Variants in CD80 observed in about 807,000 individuals in gnomAD.
CD80 encodes the protein CD80 molecule.
In CD80, 13 loss-of-function variants were observed where a neutral mutation model predicts 27.1. The ratio of observed to expected loss-of-function variants is 0.48; its 90% CI spans 0.31 to 0.76. CD80 has a LOEUF of 0.76. Among genes scored for constraint, CD80 ranks in the 30% least tolerant of loss-of-function variants. The pLI is 0.04. For missense variants in CD80, 277 were observed against 347.9 expected (o/e 0.80, Z 1.62); for synonymous variants, 125 against 125.5 (o/e 1.00, Z 0.03).
At chr3:119,550,017 AC>A (rs1037064288) in intron 2 of CD80, among the ~76,000 whole-genome samples, 1 of 152,204 alleles carries the variant, frequency 6.6e-6, no homozygotes, top group African/African-American at 2.4e-5. Flanking sequence ...TATGACACCT[AC>A]CCCTTGGGAT....
At chr3:119,537,441 T>TA in intron 3 of CD80, 23 bp from the exon 4 acceptor site, 1 of 1,480,962 alleles carries the variant, frequency 6.8e-7, no homozygotes, top group Non-Finnish European at 9.4e-7. Context: ...CAAGAATATA[T>TA]AATTACGTAT....
intron 4 of CD80, among the ~76,000 whole-genome samples, chr3:119,536,262 T>C (rs1444792025): frequency 1.3e-5 from 2 of 151,996 alleles, no homozygotes; most frequent in Admixed American, 6.6e-5. Flanking sequence ...AAAAAATAAA[T>C]AAATAAATAA....
At chr3:119,558,100 C>T (rs1166250218) in intron 1 of CD80, among the ~76,000 whole-genome samples, 172 bp from the exon 2 acceptor site, 1 of 152,176 alleles carries the variant, frequency 6.6e-6, no homozygotes, top group Non-Finnish European at 1.5e-5. Context: ...GGACCAGTTC[C>T]AAGAACCAAC....
chr3:119,533,071 T>G (rs751329275), intron 4 of CD80, among the ~76,000 whole-genome samples: 1 of 152,202 alleles, frequency 6.6e-6, no homozygotes, highest in Non-Finnish European at 1.5e-5. Context: ...GTCTAGAAGT[T>G]TCACAGGCTT....
intron 2 of CD80, among the ~76,000 whole-genome samples, chr3:119,547,300 A>G (rs541305513): frequency 6.6e-6 from 1 of 152,326 alleles, no homozygotes; most frequent in East Asian, 1.9e-4. Flanking sequence ...CTGTAATTCA[A>G]TGCCTAGACC....
intron 2 of CD80, among the ~76,000 whole-genome samples, chr3:119,546,214 A>G (rs978296263): frequency 6.6e-6 from 1 of 152,158 alleles, no homozygotes; most frequent in Non-Finnish European, 1.5e-5. Context: ...ACCTAACACA[A>G]TACCACCCCC....
chr3:119,544,274 C>A, intron 3 of CD80: 1 of 441,036 alleles, frequency 2.3e-6, no homozygotes. Flanking sequence ...CAAAGATGCC[C>A]CTTGGTGATT....
At chr3:119,547,981 T>A (rs914987768) in intron 2 of CD80, among the ~76,000 whole-genome samples, 1 of 132,826 alleles carries the variant, frequency 7.5e-6, no homozygotes, top group East Asian at 2.4e-4. Context: ...CTTTCTTTTT[T>A]CTTTTTCTTT....
rs2082055592 is a variant in CD80, at chr3:119,524,850, C to T, written c.*938G>A. On this transcript the variant is annotated 3_prime_UTR_variant, in exon 7 of 7. Coordinates refer to ENST00000264246, the MANE Select transcript of CD80 (RefSeq NM_005191.4). ...AAGGAGAAAAAGCCATCTTAGGGAT[C>T]TAAGGAGGCCCTATGGAAAGTTACT... 6.6e-6 allele frequency: 1 copy of T among 152,160 alleles called. No individual in the cohort carries two copies. Among genetic ancestry groups the T allele is most frequent in the African/African-American group, 2.4e-5 (1 of 41,424 alleles). The allele number at this position is 152,160 out of a possible 1,614,324, so 9.4% of individuals were successfully genotyped here. A position where few individuals can be genotyped will look rare whatever the true frequency, so the allele number is the denominator to read the frequency against.
At chr3:119,557,491 T>C in intron 2 of CD80, 138 bp downstream of exon 2, 1 of 520,760 alleles carries the variant, frequency 1.9e-6, no homozygotes, top group South Asian at 4.1e-5. Context: ...AGTCTTCTAA[T>C]CTTTAAAATC....
intron 2 of CD80, among the ~76,000 whole-genome samples, chr3:119,552,513 CAA>C (rs11369803): frequency 0.026 from 825 of 31,182 alleles, 5 homozygotes; most frequent in African/African-American, 0.08. Flanking sequence ...GACTCTGTCT[CAA>C]AAAAAAAAAA....
At chr3:119,535,099 G>T (rs1359713947) in intron 4 of CD80, among the ~76,000 whole-genome samples, 2 of 151,912 alleles carry the variant, frequency 1.3e-5, no homozygotes, top group African/African-American at 4.8e-5. Flanking sequence ...GGCTGAGACA[G>T]GAGAATTGCT....
At chr3:119,531,512 A>G (rs376078806) in intron 4 of CD80, among the ~76,000 whole-genome samples, 1 of 152,140 alleles carries the variant, frequency 6.6e-6, no homozygotes, top group Non-Finnish European at 1.5e-5. Flanking sequence ...GTGCTATCTA[A>G]ATTTTTCCTG....
chr3:119,530,293 G>T (rs534250230), intron 4 of CD80, among the ~76,000 whole-genome samples: 1 of 152,230 alleles, frequency 6.6e-6, no homozygotes, highest in African/African-American at 2.4e-5. Flanking sequence ...TTGTGTTCTA[G>T]GTATACTTTA....
intron 2 of CD80, 43 bp from the exon 3 acceptor site, chr3:119,544,910 A>AATATTG (rs1560056804): frequency 1.3e-6 from 2 of 1,523,316 alleles, no homozygotes; most frequent in Non-Finnish European, 1.8e-6. Context: ...TTTATTAAAT[A>AATATTG]CAGATTCCTG....
intron 3 of CD80, among the ~76,000 whole-genome samples, chr3:119,542,770 A>G (rs1447866185): frequency 1.3e-5 from 2 of 152,222 alleles, no homozygotes; most frequent in African/African-American, 4.8e-5. Context: ...CCTTTCCCAA[A>G]GCAGACCTCC....
intron 2 of CD80, among the ~76,000 whole-genome samples, chr3:119,548,037 A>G (rs969056622): frequency 6.6e-5 from 10 of 151,664 alleles, no homozygotes; most frequent in Non-Finnish European, 1.3e-4. Context: ...GCTGGAGTGA[A>G]GTGGCGCGAT....
intron 4 of CD80, among the ~76,000 whole-genome samples, chr3:119,535,088 A>C (rs2082129637): frequency 6.6e-6 from 1 of 151,928 alleles, no homozygotes; most frequent in Non-Finnish European, 1.5e-5. Flanking sequence ...GCTACACAGG[A>C]GGCTGAGACA....
chr3:119,541,527 G>T (rs1033377847), intron 3 of CD80, among the ~76,000 whole-genome samples: 1 of 152,084 alleles, frequency 6.6e-6, no homozygotes, highest in Non-Finnish European at 1.5e-5. Context: ...GAGGATACCT[G>T]GTCACTCTAG....
Sources: gnomAD v4.1 joint callset for allele counts (sites outside exome capture counted in the v4.1 genomes callset) on GRCh38, gnomAD v4.1.1 for gene constraint, MANE v1.5 for transcripts, NCBI Gene and HGNC (gene_info 2026-07-23, HGNC 2026-07-21) for gene names.